Variants in MPP7 observed in about 807,000 individuals in gnomAD.
The protein encoded by MPP7 is MAGUK p55 subfamily member 7.
Under a neutral mutation model 76.5 loss-of-function variants are expected in MPP7, and 60 were observed. The ratio of observed to expected loss-of-function variants is 0.78; its 90% confidence interval spans 0.64 to 0.97. The LOEUF is 0.97. Among genes scored for constraint, MPP7 ranks in the 50% least tolerant of loss-of-function variants. MPP7 has a pLI of 0.00. For missense variants in MPP7, 641 were observed against 694.0 expected, an observed-to-expected ratio of 0.92 and a Z score of 0.86; for synonymous variants, 237 against 244.5, an observed-to-expected ratio of 0.97 and a Z score of 0.29.
chr10:28,259,342 G>T lies in MPP7; in HGVS notation c.-131-20607C>A, dbSNP rs185552669. 3.3e-5 allele frequency among the ~76,000 whole-genome samples: 5 copies of T among 152,258 alleles called. No individual in the cohort carries two copies. The East Asian group carries it at 9.6e-4, about 29-fold the overall frequency. Reference sequence around the variant, plus strand: ...ACCAGTAATCTCACCACTTTGGGAGGTCTAGGCCAGCGGATTGCTTGAGCT... The same window carrying T: ...ACCAGTAATCTCACCACTTTGGGAGTTCTAGGCCAGCGGATTGCTTGAGCT... On this transcript the variant is annotated intron_variant, in intron 1 of 16. Transcript: ENST00000683449.
intron 3 of MPP7, among the ~76,000 whole-genome samples, chr10:28,191,786 A>G (rs1329802149): frequency 1.3e-5 from 2 of 152,224 alleles, no homozygotes; most frequent in Non-Finnish European, 2.9e-5. Flanking sequence ...TATCACATCA[A>G]TATGCTAAAC....
At chr10:28,332,919 C>T (rs943280802) in intron 1 of MPP7, among the ~76,000 whole-genome samples, 2 of 152,040 alleles carry the variant, frequency 1.3e-5, no homozygotes, top group Non-Finnish European at 2.9e-5. Context: ...CACCCCAGCA[C>T]CCCAAAGTGC....
chr10:28,155,776 A>AAAAC (rs1554843102), intron 3 of MPP7, among the ~76,000 whole-genome samples: 37 of 151,956 alleles, frequency 2.4e-4, no homozygotes, highest in African/African-American at 8.5e-4. Context: ...CTTAAAAAAA[A>AAAAC]AAAACAAAAC....
intron 1 of MPP7, among the ~76,000 whole-genome samples, chr10:28,287,175 T>C (rs1455220218): frequency 1.3e-5 from 2 of 152,338 alleles, no homozygotes; most frequent in East Asian, 3.9e-4. Flanking sequence ...ACCTATTTGT[T>C]GCCAATGATA....
chr10:28,264,968 A>C (rs543931005), intron 1 of MPP7, among the ~76,000 whole-genome samples: 11 of 152,194 alleles, frequency 7.2e-5, no homozygotes, highest in Non-Finnish European at 1.6e-4. Flanking sequence ...ATTAGAAGGC[A>C]TCCTCTCTAC....
In MPP7 at chr10:28,262,247, A is replaced by G. The variant is rs1203055869; in HGVS notation, c.-131-23512T>C. On this transcript the variant is annotated intron_variant, in intron 1 of 16. Transcript: ENST00000683449. ...TATACATATATATATATATATACAT[A>G]TATATATATATGTATATATATATAT... Among the ~76,000 whole-genome samples, 307 of 61,052 alleles carry G rather than the reference A, an allele frequency of 5.0e-3. 17 individuals carry two copies. The highest frequency in any genetic ancestry group is 0.026 in the African/African-American group (275 of 10,392). The allele number at this position is 61,052 out of a possible 152,430, so 40.1% of individuals were successfully genotyped here.
At chr10:28,069,462 G>A (rs772064523) in intron 13 of MPP7, among the ~76,000 whole-genome samples, 1 of 151,958 alleles carries the variant, frequency 6.6e-6, no homozygotes, top group Non-Finnish European at 1.5e-5. Flanking sequence ...AAATAAGCTG[G>A]GTGTGGTGGC....
intron 1 of MPP7, among the ~76,000 whole-genome samples, chr10:28,242,802 C>A (rs1431795100): frequency 1.3e-5 from 2 of 152,218 alleles, no homozygotes; most frequent in East Asian, 3.9e-4. Context: ...GTGTTCTTCA[C>A]TGCCAAGGAT....
At chr10:28,173,209 C>A (rs1836742895) in intron 3 of MPP7, among the ~76,000 whole-genome samples, 2 of 141,122 alleles carry the variant, frequency 1.4e-5, no homozygotes, top group Admixed American at 7.3e-5. Flanking sequence ...GGCTCAGACT[C>A]AATAGGTGAG....
At chr10:28,180,621 T>C (rs560174253) in intron 3 of MPP7, among the ~76,000 whole-genome samples, 1 of 152,340 alleles carries the variant, frequency 6.6e-6, no homozygotes, top group East Asian at 1.9e-4. Context: ...TAAATAATAT[T>C]GTGGTAATAA....
intron 1 of MPP7, among the ~76,000 whole-genome samples, chr10:28,260,644 T>C (rs1839917899): frequency 6.6e-6 from 1 of 151,772 alleles, no homozygotes; most frequent in Non-Finnish European, 1.5e-5. Flanking sequence ...TGGTGGCACA[T>C]GCCTGTAGTG....
intron 2 of MPP7, among the ~76,000 whole-genome samples, chr10:28,329,523 G>A (rs1481226290): frequency 1.3e-5 from 2 of 151,720 alleles, no homozygotes; most frequent in African/African-American, 2.4e-5. Context: ...CAGCTACTCG[G>A]GAGGCTGAGG....
intron 3 of MPP7, among the ~76,000 whole-genome samples, chr10:28,187,817 C>T (rs1333765978): frequency 2.0e-5 from 3 of 152,298 alleles, no homozygotes; most frequent in Non-Finnish European, 2.9e-5. Context: ...GTTTATAAAA[C>T]CATTCCTCAA....
intron 1 of MPP7, among the ~76,000 whole-genome samples, chr10:28,247,416 A>G (rs1308908557): frequency 6.6e-6 from 1 of 152,244 alleles, no homozygotes; most frequent in African/African-American, 2.4e-5. Flanking sequence ...AGTTAAACTA[A>G]ATGTAACACA....
chr10:28,122,455 AC>A (rs1834872310), intron 8 of MPP7, among the ~76,000 whole-genome samples: 1 of 152,242 alleles, frequency 6.6e-6, no homozygotes, highest in African/African-American at 2.4e-5. Context: ...AAGGGTATGC[AC>A]ATTTAAAATT....
chr10:28,320,108 T>C (rs1834351422), intron 2 of MPP7, among the ~76,000 whole-genome samples: 1 of 151,980 alleles, frequency 6.6e-6, no homozygotes, highest in African/African-American at 2.4e-5. Flanking sequence ...TGTAAAGGAG[T>C]CAGTTAGTGA....
chr10:28,286,201 C>T (rs1840787021), intron 1 of MPP7, among the ~76,000 whole-genome samples: 1 of 151,832 alleles, frequency 6.6e-6, no homozygotes, highest in Admixed American at 6.6e-5. Flanking sequence ...AAAAAATTAG[C>T]CAGGCATGGT....
intron 3 of MPP7, among the ~76,000 whole-genome samples, chr10:28,200,794 G>A (rs922946023): frequency 2.0e-5 from 3 of 152,092 alleles, no homozygotes; most frequent in African/African-American, 7.2e-5. Context: ...TATAGGTAAG[G>A]AAACTGAGAT....
At chr10:28,262,321 C>G (rs201422796) in intron 1 of MPP7, among the ~76,000 whole-genome samples, 27 of 136,394 alleles carry the variant, frequency 2.0e-4, no homozygotes, top group South Asian at 9.3e-4. Flanking sequence ...TGGTCTCGCT[C>G]TCCTGACCTT....
Sources: gnomAD v4.1 joint callset for allele counts (sites outside exome capture counted in the v4.1 genomes callset) on GRCh38, gnomAD v4.1.1 for gene constraint, MANE v1.5 for transcripts, NCBI Gene and HGNC (gene_info 2026-07-23, HGNC 2026-07-21) for gene names.